CDK5RAP2: variants seen among roughly 807,000 people sequenced by gnomAD.
CDK5RAP2 encodes CDK5 regulatory subunit-associated protein 2.
In CDK5RAP2, 147 loss-of-function variants were observed where a neutral mutation model predicts 232.9. The ratio of observed to expected loss-of-function variants is 0.63; its 90% confidence interval spans 0.55 to 0.72. The LOEUF (loss-of-function observed/expected upper bound fraction) is 0.72. CDK5RAP2 is among the 30% of genes least tolerant of loss of function. The pLI is 0.00. For synonymous variants in CDK5RAP2, 833 were observed against 833.7 expected (o/e 1.00, Z 0.01); for missense variants, 2,195 against 2,231.5 (o/e 0.98, Z 0.33).
intron 28 of CDK5RAP2, 24 bp from the exon 29 acceptor site, chr9:120,411,498 GA>G: frequency 7.7e-7 from 1 of 1,300,216 alleles, no homozygotes; most frequent in Non-Finnish European, 1.1e-6. Flanking sequence ...CATAAAAACT[GA>G]TTTATAAACA....
intron 12 of CDK5RAP2, among the ~76,000 whole-genome samples, chr9:120,503,842 T>TCAC (rs967510229): frequency 2.6e-4 from 39 of 151,856 alleles, no homozygotes; most frequent in African/African-American, 7.5e-4. Context: ...GGCCATGGCA[T>TCAC]CACCACCACC....
intron 2 of CDK5RAP2, chr9:120,571,709 C>T: frequency 4.4e-6 from 2 of 450,652 alleles, no homozygotes; most frequent in Non-Finnish European, 4.1e-6. Flanking sequence ...TTCAGTTCAG[C>T]AAACGCTCAC....
chr9:120,447,862 G>T, intron 22 of CDK5RAP2, 33 bp downstream of exon 22: 2 of 1,474,268 alleles, frequency 1.4e-6, no homozygotes, highest in Non-Finnish European at 1.9e-6. Context: ...CGTTTGTCTA[G>T]CTCACAGGGA....
At chr9:120,424,486 G>A (rs1239350965) in intron 25 of CDK5RAP2, among the ~76,000 whole-genome samples, 6 of 152,272 alleles carry the variant, frequency 3.9e-5, no homozygotes, top group Middle Eastern at 3.4e-3. Context: ...CTAATGGGCA[G>A]GGACAACTGT....
At chr9:120,401,089 C>T in intron 34 of CDK5RAP2, 1 of 590,852 alleles carries the variant, frequency 1.7e-6, no homozygotes, top group East Asian at 2.9e-5. Context: ...GTGATCTTAG[C>T]CCAATCAATA....
chr9:120,412,267 C>T (rs2033896350), intron 28 of CDK5RAP2, among the ~76,000 whole-genome samples: 1 of 152,208 alleles, frequency 6.6e-6, no homozygotes, highest in Admixed American at 6.5e-5. Flanking sequence ...CAGGAAAGTG[C>T]CTACTGTGTG....
chr9:120,508,535 A>AC (rs75653308), intron 12 of CDK5RAP2, among the ~76,000 whole-genome samples: 19 of 152,344 alleles, frequency 1.2e-4, no homozygotes, highest in East Asian at 9.6e-4. Context: ...TGATGACTGC[A>AC]CAAGTTCTGA....
intron 25 of CDK5RAP2, among the ~76,000 whole-genome samples, chr9:120,432,477 T>C (rs562632862): frequency 1.3e-5 from 2 of 152,350 alleles, no homozygotes; most frequent in East Asian, 1.9e-4. Flanking sequence ...GCTATATGAC[T>C]GCCTCGAATA....
chr9:120,439,251 G>T, intron 24 of CDK5RAP2, 148 bp downstream of exon 24: 1 of 748,910 alleles, frequency 1.3e-6, no homozygotes, highest in Non-Finnish European at 2.3e-6. Context: ...CACAGGACCT[G>T]GCTGCCTGAA....
chr9:120,536,964 G>C (rs1309953849), intron 6 of CDK5RAP2, among the ~76,000 whole-genome samples: 2 of 150,082 alleles, frequency 1.3e-5, no homozygotes, highest in African/African-American at 4.9e-5. Context: ...GTATCTCCAA[G>C]GTGATTCAGT....
intron 3 of CDK5RAP2, among the ~76,000 whole-genome samples, chr9:120,559,247 G>A (rs2132114291): frequency 6.6e-6 from 1 of 152,250 alleles, no homozygotes; most frequent in East Asian, 1.9e-4. Context: ...CTAGCACTTT[G>A]GGAGGCCGAG....
At chr9:120,540,566 G>C (rs1441181431) in intron 5 of CDK5RAP2, among the ~76,000 whole-genome samples, 1 of 152,160 alleles carries the variant, frequency 6.6e-6, no homozygotes, top group Non-Finnish European at 1.5e-5. Flanking sequence ...GAAGGCCCCA[G>C]TGTCATATCA....
Position 120,400,759 on chromosome 9 carries a change from G to T in CDK5RAP2, c.5434C>A (p.Pro1812Thr), listed in dbSNP as rs1459614180. The T allele has an allele frequency of 6.2e-7, 1 of 1,613,736 alleles. No individual in the cohort carries two copies. Residue 1812 changes from proline (P) to threonine (T), a missense_variant, in exon 35 of 38, where the codon CCC becomes ACC. Physicochemically the swap from Pro to Thr is conservative, Grantham distance 38. Coordinates refer to ENST00000349780, the MANE Select transcript of CDK5RAP2 (RefSeq NM_018249.6). ...CCACCTACCTGCTCACAGTGAAGGGGGCACTGGCCATCCTCGGGGAGTGAG... is the reference window on the plus strand; with the variant it reads ...CCACCTACCTGCTCACAGTGAAGGGTGCACTGGCCATCCTCGGGGAGTGAG... ...RVSLPEDGQC[P>T]LHCEQIGEMK...
intron 21 of CDK5RAP2, among the ~76,000 whole-genome samples, chr9:120,449,380 A>T (rs577382367): frequency 1.2e-4 from 18 of 152,342 alleles, no homozygotes; most frequent in African/African-American, 3.8e-4. Flanking sequence ...GAACCTTAGT[A>T]TCATTTTAAT....
At chr9:120,555,937 G>A (rs569250697) in intron 3 of CDK5RAP2, among the ~76,000 whole-genome samples, 20 of 152,302 alleles carry the variant, frequency 1.3e-4, no homozygotes, top group African/African-American at 4.8e-4. Flanking sequence ...AGTCTGAAAA[G>A]ATTACATACT....
chr9:120,578,569 CT>C (rs35890688), intron 1 of CDK5RAP2, among the ~76,000 whole-genome samples: 233 of 143,392 alleles, frequency 1.6e-3, no homozygotes, highest in African/African-American at 5.0e-3. Flanking sequence ...TTTCACTTTC[CT>C]TTTTTTTTTT....
At chr9:120,564,768 T>C (rs1192093670) in intron 3 of CDK5RAP2, among the ~76,000 whole-genome samples, 1 of 152,174 alleles carries the variant, frequency 6.6e-6, no homozygotes, top group African/African-American at 2.4e-5. Flanking sequence ...TTCACAAAGA[T>C]AGCTACTTGG....
intron 29 of CDK5RAP2, among the ~76,000 whole-genome samples, 192 bp downstream of exon 29, chr9:120,411,166 C>T (rs945491889): frequency 6.6e-6 from 1 of 152,200 alleles, no homozygotes; most frequent in Non-Finnish European, 1.5e-5. Context: ...ATTCCTGAAC[C>T]TCTCTGATTC....
intron 3 of CDK5RAP2, among the ~76,000 whole-genome samples, chr9:120,554,759 G>A (rs1189305582): frequency 4.6e-5 from 7 of 151,696 alleles, no homozygotes; most frequent in Admixed American, 3.9e-4. Context: ...TCAGCCTCCC[G>A]AGTAGCTGGG....
Sources: allele counts gnomAD v4.1 joint callset (sites outside exome capture counted in the v4.1 genomes callset), GRCh38; gene constraint gnomAD v4.1.1; transcripts MANE v1.5; gene names NCBI Gene and HGNC (gene_info 2026-07-23, HGNC 2026-07-21).